PPP3CB: variants seen among roughly 807,000 people sequenced by gnomAD.
PPP3CB encodes the protein protein phosphatase 3 catalytic subunit beta.
A neutral mutation model predicts 66.4 loss-of-function variants in PPP3CB; 8 were observed. That is an observed-to-expected ratio of 0.12 (90% CI 0.07 to 0.22). PPP3CB has a LOEUF of 0.22. Ranked by LOEUF, PPP3CB falls within the 10% of genes least tolerant of loss-of-function variation. The probability of loss-of-function intolerance (pLI) is 1.00; values close to 1 mark genes in which losing one functional copy is unlikely to be tolerated. For missense variants in PPP3CB, 319 were observed against 642.5 expected, an observed-to-expected ratio of 0.50 and a Z score of 5.44; for synonymous variants, 208 against 221.2, an observed-to-expected ratio of 0.94 and a Z score of 0.53.
In PPP3CB at chr10:73,438,280, T is replaced by G. The variant is rs1399380706; in HGVS notation, c.1537A>C (p.Thr513Pro). ...GFNSLNTAHA[T>P]ENHGTGNHTA... ...TGGTTGCCCGTCCCGTGGTTCTCAG[T>G]GGCATGTGCGGTGTTCAGAGAATTG... Residue 513 changes from threonine to proline, a missense_variant, in exon 14 of 14, where the codon ACT becomes CCT. Coordinates refer to ENST00000360663, the MANE Select transcript of PPP3CB (RefSeq NM_021132.4). The G allele has an allele frequency of 6.2e-7, 1 of 1,614,142 alleles. No individual in the cohort carries two copies. Among genetic ancestry groups the G allele is most frequent in the Non-Finnish European group, 8.5e-7 (1 of 1,180,024 alleles).
intron 12 of PPP3CB, among the ~76,000 whole-genome samples, chr10:73,442,995 C>T (rs1284945402): frequency 6.7e-6 from 1 of 150,204 alleles, no homozygotes; most frequent in Non-Finnish European, 1.5e-5. Context: ...GAGTTTGAGA[C>T]CAGCCTGGGC....
Position 73,467,601 on chromosome 10 carries a change from T to C in PPP3CB, c.1060A>G (p.Asn354Asp). 2 of 1,589,380 alleles carry C rather than the reference T, an allele frequency of 1.3e-6. No individual in the cohort carries two copies. The highest frequency in any genetic ancestry group is 1.7e-6 in the Non-Finnish European group (2 of 1,168,544). Residue 354 changes from asparagine (N) to aspartate (D), a missense_variant, in exon 9 of 14, where the codon AAT becomes GAT. Around this residue, in one of 5 missense-constraint regions of PPP3CB, gnomAD observed 120 missense variants for 331.2 expected, o/e 0.36. Transcript: ENST00000360663. ...GACCACGTGAAGACATCCATAAAAT[T>C]AGGCAACCAGTAAGGATGTGGAGAA... ...NCSPHPYWLP[N>D]FMDVFTWSLP...
At chr10:73,462,899 G>A (rs1335285119) in intron 9 of PPP3CB, among the ~76,000 whole-genome samples, 1 of 123,258 alleles carries the variant, frequency 8.1e-6, no homozygotes, top group African/African-American at 3.0e-5. Flanking sequence ...GCAGTGAGCT[G>A]AGATCACACC....
chr10:73,477,854 C>A (rs2056816326), intron 3 of PPP3CB, among the ~76,000 whole-genome samples: 1 of 151,902 alleles, frequency 6.6e-6, no homozygotes, highest in East Asian at 1.9e-4. Flanking sequence ...GAGGTCAAGG[C>A]TACATTGAGC....
chr10:73,470,227 A>G (rs1398785924), intron 8 of PPP3CB, among the ~76,000 whole-genome samples: 1 of 152,208 alleles, frequency 6.6e-6, no homozygotes. Flanking sequence ...TGGGGCAGTG[A>G]TAAGACTGTG....
intron 10 of PPP3CB, among the ~76,000 whole-genome samples, chr10:73,450,820 G>A (rs1379184695): frequency 6.6e-6 from 1 of 152,152 alleles, no homozygotes; most frequent in East Asian, 1.9e-4. Context: ...TACACAGCTA[G>A]TGAACGGTAG....
chr10:73,464,054 C>T (rs1233513562), intron 9 of PPP3CB, among the ~76,000 whole-genome samples: 1 of 151,554 alleles, frequency 6.6e-6, no homozygotes, highest in Non-Finnish European at 1.5e-5. Flanking sequence ...CTGAGCCTCC[C>T]GAGTAGCTGG....
At chr10:73,482,013 T>C (rs7095384) in intron 1 of PPP3CB, among the ~76,000 whole-genome samples, 7,078 of 152,178 alleles carry the variant, frequency 0.047, 505 homozygotes, top group African/African-American at 0.15. Flanking sequence ...CCATTATATA[T>C]GCTATAACCA....
chr10:73,478,252 C>T (rs1564565401), intron 3 of PPP3CB, among the ~76,000 whole-genome samples: 1 of 152,126 alleles, frequency 6.6e-6, no homozygotes, highest in Admixed American at 6.5e-5. Flanking sequence ...AAAGACCCCT[C>T]AGTCAGCTCA....
rs866333522 is a variant in PPP3CB at position 73,481,373 on chromosome 10, G to A, written c.86-1856C>T. Among the ~76,000 whole-genome samples, 4 of 151,306 alleles carry A rather than the reference G, an allele frequency of 2.6e-5. No individual in the cohort carries two copies. In the South Asian group the frequency reaches 6.2e-4, roughly 24 times the overall value. ...TGTAGTCCCAGCTACTCAAGAGGGT[G>A]ACGCAGGAGAATCACTTAAACCCGG... On this transcript the variant is annotated intron_variant, in intron 1 of 13. Transcript: ENST00000360663.
At chr10:73,466,493 A>G (rs1034504627) in intron 9 of PPP3CB, among the ~76,000 whole-genome samples, 4 of 152,176 alleles carry the variant, frequency 2.6e-5, no homozygotes, top group Admixed American at 2.6e-4. Flanking sequence ...GCTATGATTG[A>G]ACTATTTCTC....
chr10:73,448,591 G>A (rs2132797810), intron 10 of PPP3CB: 3 of 531,064 alleles, frequency 5.6e-6, no homozygotes, highest in South Asian at 4.2e-5. Context: ...CAATGAATGT[G>A]CTAACTTACA....
intron 9 of PPP3CB, among the ~76,000 whole-genome samples, chr10:73,455,244 ACTAT>A (rs1212374399): frequency 3.9e-5 from 6 of 152,254 alleles, no homozygotes; most frequent in African/African-American, 1.2e-4. Context: ...ATTACTAATG[ACTAT>A]CTAACAATCT....
At chr10:73,479,637 T>G (rs1459344465) in intron 1 of PPP3CB, 120 bp from the exon 2 acceptor site, 1 of 936,128 alleles carries the variant, frequency 1.1e-6, no homozygotes, top group Non-Finnish European at 1.5e-6. Context: ...TCTTCTTCAT[T>G]TATTGGGTAG....
chr10:73,444,885 C>T lies in PPP3CB; in HGVS notation c.1269-63G>A, dbSNP rs2056221563. On this transcript the variant is annotated intron_variant, in intron 11 of 13. Transcript: ENST00000360663. ...AACAAGTACTTAATTTAAAAGAAGA[C>T]ATAGGGTCTAGATATAGGCCATATA... 7 of 1,528,714 alleles carry T rather than the reference C, an allele frequency of 4.6e-6. No homozygotes were observed. In the Admixed American group the frequency reaches 1.2e-4, roughly 27 times the overall value. The allele number at this position is 1,528,714 out of a possible 1,614,324, so 94.7% of individuals were successfully genotyped here. A position where few individuals can be genotyped will look rare whatever the true frequency, so the allele number is the denominator to read the frequency against.
At chr10:73,467,449 G>T in intron 9 of PPP3CB, 104 bp downstream of exon 9, 1 of 918,552 alleles carries the variant, frequency 1.1e-6, no homozygotes, top group Non-Finnish European at 1.5e-6. Context: ...TAACCACAGT[G>T]AAACTAGACT....
At chr10:73,446,609 A>G (rs2056259673) in intron 10 of PPP3CB, 36 bp from the exon 11 acceptor site, 1 of 1,567,498 alleles carries the variant, frequency 6.4e-7, no homozygotes, top group South Asian at 1.1e-5. Context: ...GAAAGGCTCA[A>G]GTTTAGGGCA....
At chr10:73,443,328 G>A (rs530516085) in intron 12 of PPP3CB, among the ~76,000 whole-genome samples, 13 of 131,060 alleles carry the variant, frequency 9.9e-5, no homozygotes, top group African/African-American at 4.2e-4. Flanking sequence ...AAGAAAGAAA[G>A]AAAAAGAAAG....
intron 1 of PPP3CB, among the ~76,000 whole-genome samples, chr10:73,481,165 CT>C (rs1042746700): frequency 0.052 from 6,670 of 128,984 alleles, 431 homozygotes; most frequent in African/African-American, 0.16. Flanking sequence ...ATTTTTTTTT[CT>C]TTTTTTTTTT....
Sources: gnomAD v4.1 joint callset for allele counts (sites outside exome capture counted in the v4.1 genomes callset) on GRCh38, gnomAD v4.1.1 for gene constraint, gnomAD v4.1.1 regional missense constraint, MANE v1.5 for transcripts, NCBI Gene and HGNC (gene_info 2026-07-23, HGNC 2026-07-21) for gene names.